Variants in FGGY observed in about 807,000 individuals in gnomAD.
The protein encoded by FGGY is FGGY carbohydrate kinase domain-containing protein.
FGGY carries 72 observed loss-of-function variants against 71.3 expected under a neutral mutation model. The observed-to-expected ratio is 1.01, with a 90% CI of 0.84 to 1.23. FGGY has a LOEUF of 1.23. Ranked by LOEUF, FGGY falls within the 50% of genes most tolerant of loss-of-function variation. The probability of loss-of-function intolerance (pLI) is 0.00; values close to 1 mark genes in which losing one functional copy is unlikely to be tolerated. For missense variants in FGGY, 668 were observed against 682.3 expected, an observed-to-expected ratio of 0.98 and a Z score of 0.23; for synonymous variants, 251 against 250.3, an observed-to-expected ratio of 1.00 and a Z score of -0.02.
chr1:59,474,010 G>C (rs2093133546), intron 6 of FGGY: 3 of 152,192 alleles, frequency 2.0e-5, no homozygotes, highest in Admixed American at 2.0e-4. Context: ...CTGTAGAAAT[G>C]TTCTTACCAA....
intron 14 of FGGY, among the ~76,000 whole-genome samples, chr1:59,689,074 G>A (rs568281149): frequency 1.4e-4 from 21 of 152,242 alleles, no homozygotes; most frequent in South Asian, 1.2e-3. Context: ...AAAGGTTGGG[G>A]AGAAAGGCCA....
At chr1:59,301,697 G>A (rs2042755035) in intron 1 of FGGY, among the ~76,000 whole-genome samples, 1 of 133,148 alleles carries the variant, frequency 7.5e-6, no homozygotes, top group Non-Finnish European at 1.6e-5. Context: ...TATAACTGTT[G>A]TGATCATTCT....
intron 5 of FGGY, among the ~76,000 whole-genome samples, chr1:59,447,312 A>G (rs902379957): frequency 6.6e-5 from 10 of 152,128 alleles, no homozygotes; most frequent in African/African-American, 2.4e-5. Context: ...TTAGCCTTAT[A>G]TCTTTTCTTT....
intron 15 of FGGY, among the ~76,000 whole-genome samples, chr1:59,758,842 A>G (rs2098317111): frequency 6.6e-6 from 1 of 152,218 alleles, no homozygotes; most frequent in Non-Finnish European, 1.5e-5. Context: ...AGGTCAGCTC[A>G]TAAATACCTT....
intron 3 of FGGY, among the ~76,000 whole-genome samples, chr1:59,345,117 G>A (rs1313944530): frequency 6.6e-6 from 1 of 152,192 alleles, no homozygotes; most frequent in East Asian, 1.9e-4. Flanking sequence ...GGGTTGTTTT[G>A]AGGATTAAAT....
chr1:59,608,825 G>A (rs936711983), intron 9 of FGGY, among the ~76,000 whole-genome samples: 8 of 151,972 alleles, frequency 5.3e-5, no homozygotes, highest in African/African-American at 1.5e-4. Context: ...CGACAAGAGC[G>A]AAACTCCGTC....
chr1:59,624,952 T>G (rs1368462091), intron 9 of FGGY, among the ~76,000 whole-genome samples: 3 of 152,184 alleles, frequency 2.0e-5, no homozygotes, highest in Non-Finnish European at 4.4e-5. Context: ...TTTAGTGACT[T>G]GCACAAAGTC....
At chr1:59,570,269 C>G (rs2095960606) in intron 8 of FGGY, among the ~76,000 whole-genome samples, 1 of 152,186 alleles carries the variant, frequency 6.6e-6, no homozygotes, top group Admixed American at 6.5e-5. Flanking sequence ...GCAATTATAT[C>G]TTTACTTCAT....
chr1:59,601,159 G>A lies in FGGY; in HGVS notation c.904-6644G>A, dbSNP rs912756163. 9.2e-5 allele frequency among the ~76,000 whole-genome samples: 14 copies of A among 152,136 alleles called. No homozygotes were observed. In the East Asian group the frequency reaches 1.5e-3, roughly 17 times the overall value. ...ACCCTCTAAAATTCCCAACCTGGCC[G>A]GAGGCACTCAAAACAAAACCTCCTG... On this transcript the variant is annotated intron_variant, in intron 8 of 15. Coordinates refer to ENST00000303721, the MANE Select transcript of FGGY (RefSeq NM_018291.5).
In FGGY at chr1:59,603,616, G is replaced by A. The variant is rs114650649; in HGVS notation, c.904-4187G>A. Among the ~76,000 whole-genome samples, 458 of 152,294 alleles carry A rather than the reference G, an allele frequency of 3.0e-3. 1 individual carries two copies. Among genetic ancestry groups the A allele is most frequent in the African/African-American group, 0.01 (427 of 41,570 alleles). On this transcript the variant is annotated intron_variant, in intron 8 of 15. Coordinates refer to ENST00000303721, the MANE Select transcript of FGGY (RefSeq NM_018291.5). ...CTGAGGCTCAGAAAGGCTACCTTAC[G>A]TAAGATCGCCTAGCTGAGAATTGGG...
intron 12 of FGGY, among the ~76,000 whole-genome samples, chr1:59,661,258 A>G (rs2153959594): frequency 6.6e-6 from 1 of 152,354 alleles, no homozygotes; most frequent in South Asian, 2.1e-4. Flanking sequence ...CACCACCAAC[A>G]GAAGTGCTTT....
At chr1:59,315,496 C>T (rs1418004325) in intron 1 of FGGY, 1 of 149,602 alleles carries the variant, frequency 6.7e-6, no homozygotes, top group African/African-American at 2.5e-5. Context: ...TCCTCAGATT[C>T]TTTTGAATTT....
At chr1:59,477,467 A>T (rs757142995) in intron 6 of FGGY, among the ~76,000 whole-genome samples, 1 of 152,144 alleles carries the variant, frequency 6.6e-6, no homozygotes, top group Non-Finnish European at 1.5e-5. Context: ...CATGAACCCT[A>T]TTGATCCCAG....
intron 14 of FGGY, among the ~76,000 whole-genome samples, chr1:59,706,950 G>A (rs962197032): frequency 6.6e-6 from 1 of 152,168 alleles, no homozygotes; most frequent in Non-Finnish European, 1.5e-5. Context: ...CCTATTTGTA[G>A]TCAGGGGTCC....
At chr1:59,374,175 A>G (rs1322785305) in intron 4 of FGGY, among the ~76,000 whole-genome samples, 1 of 152,230 alleles carries the variant, frequency 6.6e-6, no homozygotes, top group Admixed American at 6.5e-5. Flanking sequence ...GCTAATATCC[A>G]GAATCTACAA....
chr1:59,750,829 CTTG>C (rs1364332940), intron 14 of FGGY, among the ~76,000 whole-genome samples: 1 of 151,808 alleles, frequency 6.6e-6, no homozygotes, highest in Non-Finnish European at 1.5e-5. Flanking sequence ...AGCATGTGAA[CTTG>C]TTGTTCCAGT....
At position 59,366,451 on chromosome 1, in the gene FGGY, CTCCCCAGG is replaced by C. The variant is rs1384436278; in HGVS notation, c.466-12293_466-12286del. ...CCTTTAGAAAAGCCTTTAGAAAAGCCTCCCCAGGTCCCAAACCCTTTCCCCGCTCTGAG... is the reference window on the plus strand; with the variant it reads ...CCTTTAGAAAAGCCTTTAGAAAAGCCTCCCAAACCCTTTCCCCGCTCTGAG... On this transcript the variant is annotated intron_variant, in intron 4 of 15. Coordinates refer to ENST00000303721, the MANE Select transcript of FGGY (RefSeq NM_018291.5). Among the ~76,000 whole-genome samples, 3 of 152,132 alleles carry C rather than the reference CTCCCCAGG, an allele frequency of 2.0e-5. No individual in the cohort carries two copies. The East Asian group carries it at 5.8e-4, about 29-fold the overall frequency.
chr1:59,457,081 A>G lies in FGGY; in HGVS notation c.670+5A>G, dbSNP rs2091776461. 1.1e-5 allele frequency: 17 copies of G among 1,589,376 alleles called. No individual in the cohort carries two copies. The highest frequency in any genetic ancestry group is 1.3e-5 in the Non-Finnish European group (15 of 1,157,642). ...CAGATAATTACAGCAAAATAGGTAA[A>G]AGAATAAAACATCTGTAGAGTGATT... On this transcript the variant is annotated splice_donor_5th_base_variant and intron_variant, in intron 6 of 15. Transcript: ENST00000303721.
At chr1:59,442,610 C>A (rs753353893) in intron 5 of FGGY, among the ~76,000 whole-genome samples, 4 of 152,138 alleles carry the variant, frequency 2.6e-5, no homozygotes, top group Admixed American at 6.5e-5. Flanking sequence ...CTGACTCTTT[C>A]TGCTTTGTGT....
Sources: gnomAD v4.1 joint callset for allele counts (sites outside exome capture counted in the v4.1 genomes callset) on GRCh38, gnomAD v4.1.1 for gene constraint, MANE v1.5 for transcripts, NCBI Gene and HGNC (gene_info 2026-07-23, HGNC 2026-07-21) for gene names.